Variants in SPATA31C1 observed in about 807,000 individuals in gnomAD.
SPATA31C1 encodes the protein spermatogenesis-associated protein 31C1.
At chr9:87,916,938 A>T (rs780706974) in intron 1 of SPATA31C1, among the ~76,000 whole-genome samples, 1 of 46,046 alleles carries the variant, frequency 2.2e-5, no homozygotes, top group African/African-American at 1.1e-4. Flanking sequence ...CACAGGTTGC[A>T]GTGAGCCAAG....
At position 87,922,221 on chromosome 9, in the gene SPATA31C1, G is replaced by T. The variant is rs567419322; in HGVS notation, n.2611G>T. On this transcript the variant is annotated non_coding_transcript_exon_variant, in exon 5 of 5. Coordinates refer to ENST00000420021, the Ensembl canonical transcript of SPATA31C1. ...GAAGGCTCCTACAGCTGGACAGGAG[G>T]GCAGGTGGCCATCTAAGCCCCTCAC... is the stretch of plus-strand genomic sequence containing the variant. The T allele has an allele frequency of 1.5e-4, 236 of 1,613,312 alleles. 7 individuals carry two copies. The South Asian group carries it at 2.5e-3, about 17-fold the overall frequency.
chr9:87,922,488 G>A, exon 5 of SPATA31C1: 2 of 1,610,600 alleles, frequency 1.2e-6, no homozygotes, highest in South Asian at 2.2e-5. Flanking sequence ...CATGGAGGAG[G>A]CTGTTAGTGA....
chr9:87,923,138 T>G, exon 5 of SPATA31C1: 1 of 1,603,394 alleles, frequency 6.2e-7, no homozygotes, highest in South Asian at 1.1e-5. Flanking sequence ...CACTTTGCCA[T>G]GCGCGCCATG....
At chr9:87,915,437 G>C (rs1375281391) in intron 1 of SPATA31C1, among the ~76,000 whole-genome samples, 2 of 144,730 alleles carry the variant, frequency 1.4e-5, no homozygotes, top group African/African-American at 5.1e-5. Context: ...TGAGTAGCTG[G>C]GGATTACAGG....
At chr9:87,923,296 G>T (rs569197949) in exon 5 of SPATA31C1, 4 of 1,603,474 alleles carry the variant, frequency 2.5e-6, no homozygotes, top group Non-Finnish European at 3.4e-6. Context: ...AACCAGAGTC[G>T]TCCCAACAGA....
chr9:87,915,566 G>T (rs1216960653), intron 1 of SPATA31C1, among the ~76,000 whole-genome samples: 2 of 145,054 alleles, frequency 1.4e-5, no homozygotes, highest in African/African-American at 5.0e-5. Context: ...CTCCCAAAGT[G>T]CTGGGATTAC....
At chr9:87,921,322 C>T in exon 5 of SPATA31C1, 1 of 1,612,010 alleles carries the variant, frequency 6.2e-7, no homozygotes, top group South Asian at 1.1e-5. Context: ...ATCCAAGAGT[C>T]TCTGGATCTG....
exon 5 of SPATA31C1, chr9:87,921,975 C>T (rs1237795639): frequency 1.2e-6 from 2 of 1,613,062 alleles, no homozygotes; most frequent in Non-Finnish European, 1.7e-6. Flanking sequence ...GTCCCTTATA[C>T]AGCTTGCTGG....
chr9:87,922,891 G>T (rs553613518), exon 5 of SPATA31C1: 117 of 1,605,274 alleles, frequency 7.3e-5, no homozygotes, highest in Non-Finnish European at 9.8e-5. Flanking sequence ...GAAGACACCC[G>T]TCAGAATGAA....
chr9:87,916,814 G>A lies in SPATA31C1; in HGVS notation n.190-1033G>A, dbSNP rs1324685387. Among the ~76,000 whole-genome samples the A allele has an allele frequency of 7.0e-4, 57 of 81,212 alleles. 1 individual carries two copies. The highest frequency in any genetic ancestry group is 1.1e-3 in the Admixed American group (9 of 8,050). The allele number at this position is 81,212 out of a possible 152,430, so 53.3% of individuals were successfully genotyped here. A position where few individuals can be genotyped will look rare whatever the true frequency, so the allele number is the denominator to read the frequency against. On this transcript the variant is annotated intron_variant and non_coding_transcript_variant, in intron 1 of 4. Transcript: ENST00000420021. ...AGAACAAGACCATCCTGGCTAACAC[G>A]GTGAAACCCAGTCTCTACCAAAAAT...
exon 5 of SPATA31C1, chr9:87,920,890 A>G (rs868129394): frequency 1.2e-6 from 2 of 1,613,266 alleles, no homozygotes; most frequent in Middle Eastern, 3.3e-4. Flanking sequence ...CTGCTTTTCC[A>G]GGCCCAGCCC....
chr9:87,920,673 G>A (rs1425389195), exon 5 of SPATA31C1: 1 of 1,613,774 alleles, frequency 6.2e-7, no homozygotes, highest in Non-Finnish European at 8.5e-7. Context: ...TGACTCAGTG[G>A]CACTTCCACT....
rs546866968 is a variant in SPATA31C1 at position 87,922,669 on chromosome 9, C to T, written n.3059C>T. The T allele has an allele frequency of 5.6e-6, 9 of 1,608,266 alleles. No individual in the cohort carries two copies. In the East Asian group the frequency reaches 1.6e-4, roughly 28 times the overall value. ...ACGCCTACTGGGAACATGCAGGCTT[C>T]CCAGGAGCTATGTGACCTCATGTCA... On this transcript the variant is annotated non_coding_transcript_exon_variant, in exon 5 of 5. Coordinates refer to ENST00000420021, the Ensembl canonical transcript of SPATA31C1.
exon 5 of SPATA31C1, chr9:87,921,204 A>C (rs1828855482): frequency 6.2e-7 from 1 of 1,611,514 alleles, no homozygotes; most frequent in Non-Finnish European, 8.5e-7. Context: ...TAGTGTCTCC[A>C]CTCCTAACCT....
At chr9:87,922,736 A>C in exon 5 of SPATA31C1, 1 of 1,606,952 alleles carries the variant, frequency 6.2e-7, no homozygotes, top group Non-Finnish European at 8.5e-7. Context: ...CCAGGAACCC[A>C]AACTGTCAAG....
At chr9:87,919,263 T>C (rs757332618) in intron 2 of SPATA31C1, 22 of 1,599,678 alleles carry the variant, frequency 1.4e-5, no homozygotes, top group Non-Finnish European at 1.9e-5. Flanking sequence ...AGCGTCATCT[T>C]GTCTCCCAGC....
chr9:87,920,544 C>A, exon 5 of SPATA31C1: 1 of 1,613,838 alleles, frequency 6.2e-7, no homozygotes, highest in Non-Finnish European at 8.5e-7. Context: ...ACCCGAGCCA[C>A]CTGCACTTTT....
chr9:87,923,329 A>G (rs745496774), exon 5 of SPATA31C1: 3 of 1,602,206 alleles, frequency 1.9e-6, no homozygotes, highest in Non-Finnish European at 2.6e-6. Flanking sequence ...AGAGATCAGC[A>G]GCCCTTGAAA....
rs756907084 is a variant in SPATA31C1, at chr9:87,916,251, CAAA to C, written n.189+1554_189+1556del. The stretch of plus-strand genomic sequence containing the variant: ...ATGAAGATGGAGGAAGACTCCATCT[CAAA>C]AAAAAAAAAAAAGATCACATATCTC... On this transcript the variant is annotated intron_variant and non_coding_transcript_variant, in intron 1 of 4. Transcript: ENST00000420021. Among the ~76,000 whole-genome samples, 54 of 78,012 alleles carry C rather than the reference CAAA, an allele frequency of 6.9e-4. 4 individuals are homozygous for C. The highest frequency in any genetic ancestry group is 1.8e-3 in the African/African-American group (44 of 24,276). The allele number at this position is 78,012 out of a possible 152,430, so 51.2% of individuals were successfully genotyped here.
Sources: gnomAD v4.1 joint callset for allele counts (sites outside exome capture counted in the v4.1 genomes callset) on GRCh38, gnomAD v4.1.1 for gene constraint, MANE v1.5 for transcripts, NCBI Gene and HGNC (gene_info 2026-07-23, HGNC 2026-07-21) for gene names.